FAM91A1: variants seen among roughly 807,000 people sequenced by gnomAD.
The protein encoded by FAM91A1 is protein FAM91A1.
In FAM91A1, 41 loss-of-function variants were observed where a neutral mutation model predicts 113.5. The observed-to-expected ratio is 0.36, with a 90% CI of 0.28 to 0.47. The LOEUF (loss-of-function observed/expected upper bound fraction) is 0.47. FAM91A1 is among the 20% of genes least tolerant of loss of function. The pLI, the probability that FAM91A1 is intolerant of heterozygous loss-of-function variation, is 1.00. For missense variants in FAM91A1, 696 were observed against 1,001.2 expected, an observed-to-expected ratio of 0.70 and a Z score of 4.11; for synonymous variants, 307 against 347.9, an observed-to-expected ratio of 0.88 and a Z score of 1.31.
At chr8:123,777,916 A>G in intron 4 of FAM91A1, 109 bp from the exon 5 acceptor site, 2 of 809,002 alleles carry the variant, frequency 2.5e-6, no homozygotes, top group Non-Finnish European at 2.0e-6. Context: ...ATATTTGACT[A>G]GTAATTGAAA....
chr8:123,769,824 G>C (rs1265172167), intron 1 of FAM91A1, among the ~76,000 whole-genome samples: 2 of 152,222 alleles, frequency 1.3e-5, no homozygotes, highest in Non-Finnish European at 2.9e-5. Context: ...GTCATAGATT[G>C]ACCTTCGCTT....
At chr8:123,812,342 A>G (rs1289220975) in intron 23 of FAM91A1, among the ~76,000 whole-genome samples, 177 bp from the exon 24 acceptor site, 1 of 152,168 alleles carries the variant, frequency 6.6e-6, no homozygotes, top group Non-Finnish European at 1.5e-5. Flanking sequence ...ATTTTTGCAC[A>G]TATTAATACC....
At chr8:123,803,275 G>C (rs2130143131) in intron 18 of FAM91A1, among the ~76,000 whole-genome samples, 1 of 151,288 alleles carries the variant, frequency 6.6e-6, no homozygotes, top group South Asian at 2.1e-4. Context: ...TGCAAAATAT[G>C]GATAGAAAAA....
At chr8:123,790,436 C>T (rs1182080197) in intron 15 of FAM91A1, among the ~76,000 whole-genome samples, 1 of 152,180 alleles carries the variant, frequency 6.6e-6, no homozygotes, top group African/African-American at 2.4e-5. Flanking sequence ...CAGTGCTCAG[C>T]TAGGCTTGGG....
chr8:123,780,578 A>G (rs1351028508), intron 8 of FAM91A1, 36 bp downstream of exon 8: 2 of 1,556,646 alleles, frequency 1.3e-6, no homozygotes, highest in Non-Finnish European at 1.8e-6. Context: ...TGTTTTTTGA[A>G]TGGATATCAG....
chr8:123,787,371 C>T lies in FAM91A1; in HGVS notation c.1189C>T (p.Pro397Ser), dbSNP rs906553868. The change falls in exon 13 of 24, where the codon CCA (proline) becomes TCA (serine). Residue 397 changes from proline (P) to serine (S), a missense_variant and splice_region_variant. By Grantham distance (74) the Pro-to-Ser change is moderately conservative (BLOSUM62 -1). Coordinates refer to ENST00000334705, the MANE Select transcript of FAM91A1 (RefSeq NM_144963.4). ...TAFLMMGNLS[P>S]NLKSHAVTMF... ...CTTCTTAATGATGGGAAATCTTTCA[C>T]CAGTAAGCCCAATTCTTGTTTAAAT... The T allele has an allele frequency of 1.9e-6, 3 of 1,604,738 alleles. No homozygotes were observed. Among genetic ancestry groups the T allele is most frequent in the African/African-American group, 2.7e-5 (2 of 74,634 alleles).
intron 23 of FAM91A1, 110 bp from the exon 24 acceptor site, chr8:123,812,409 G>A (rs751845820): frequency 1.8e-4 from 130 of 713,650 alleles, no homozygotes; most frequent in South Asian, 1.0e-3. Flanking sequence ...GTACTGCTTT[G>A]CAATCCATAA....
chr8:123,808,966 C>T lies in FAM91A1; in HGVS notation c.2211C>T (p.Asn737=). 1 of 1,613,088 alleles carries T rather than the reference C, an allele frequency of 6.2e-7. No individual in the cohort carries two copies. Among genetic ancestry groups the T allele is most frequent in the Non-Finnish European group, 8.5e-7 (1 of 1,179,406 alleles). The change falls in exon 22 of 24, where the codon AAC becomes AAT. Residue 737 remains asparagine (N), a synonymous_variant. Transcript: ENST00000334705. The part of the protein sequence containing the change: ...FGIPLFSSEL[N]RKVCRKIAAH... ...TTCCACTGTTCAGTTCCGAATTAAA[C>T]CGGAAAGTTTGTAGGAAAATTGCTG...
chr8:123,795,338 G>A (rs1342046829), intron 15 of FAM91A1, among the ~76,000 whole-genome samples: 1 of 152,148 alleles, frequency 6.6e-6, no homozygotes, highest in Admixed American at 6.5e-5. Context: ...GAGGGAGGTT[G>A]TTGGATCATG....
chr8:123,775,334 G>A (rs745813257), intron 3 of FAM91A1, 36 bp downstream of exon 3: 3 of 1,604,888 alleles, frequency 1.9e-6, no homozygotes, highest in Non-Finnish European at 2.6e-6. Context: ...GTGGGAATGG[G>A]ATGGGACTAC....
intron 15 of FAM91A1, among the ~76,000 whole-genome samples, chr8:123,793,939 G>A (rs1815445275): frequency 6.6e-6 from 1 of 152,186 alleles, no homozygotes. Flanking sequence ...TTAAGAATAA[G>A]AATGCTTAAA....
intron 12 of FAM91A1, 44 bp downstream of exon 12, chr8:123,786,654 G>A (rs374428831): frequency 7.2e-6 from 10 of 1,395,336 alleles, no homozygotes; most frequent in South Asian, 2.3e-5. Flanking sequence ...CTGTAGGTAC[G>A]GCACATGTCC....
Position 123,777,252 on chromosome 8 carries a change from T to G in FAM91A1, c.310-13T>G. 1.3e-6 allele frequency: 2 copies of G among 1,570,346 alleles called. No homozygotes were observed. ...TTTTAGATTTCAAATTTAAATTTTT[T>G]TCTTTTTAAAAGGATATTATGAACA... On this transcript the variant is annotated splice_polypyrimidine_tract_variant and intron_variant, in intron 3 of 23. Transcript: ENST00000334705.
At chr8:123,810,202 G>T in intron 22 of FAM91A1, 80 bp from the exon 23 acceptor site, 1 of 1,375,224 alleles carries the variant, frequency 7.3e-7, no homozygotes, top group Non-Finnish European at 1.0e-6. Context: ...CATTTAAATT[G>T]CTAAAATTAA....
chr8:123,775,962 C>G (rs1357946861), intron 3 of FAM91A1, among the ~76,000 whole-genome samples: 1 of 150,280 alleles, frequency 6.7e-6, no homozygotes, highest in Non-Finnish European at 1.5e-5. Context: ...GAGACTGTCT[C>G]AAAAGAAAAA....
chr8:123,784,381 G>A (rs1586376498), intron 8 of FAM91A1, 89 bp from the exon 9 acceptor site: 1 of 925,208 alleles, frequency 1.1e-6, no homozygotes, highest in East Asian at 3.0e-5. Context: ...CTAAGTTAGA[G>A]GTTTCTTTTT....
chr8:123,798,260 C>G (rs1815588847), intron 16 of FAM91A1, 22 bp downstream of exon 16: 8 of 1,611,594 alleles, frequency 5.0e-6, no homozygotes, highest in Non-Finnish European at 6.8e-6. Flanking sequence ...CTTGGAAGAT[C>G]CACTTGGTAG....
chr8:123,778,886 A>C (rs1339429682), intron 6 of FAM91A1, 114 bp downstream of exon 6: 2 of 713,200 alleles, frequency 2.8e-6, no homozygotes, highest in African/African-American at 3.7e-5. Context: ...AAGAAAAGGA[A>C]ACTTAAATTT....
At chr8:123,795,826 T>C (rs1383173264) in intron 15 of FAM91A1, among the ~76,000 whole-genome samples, 1 of 152,198 alleles carries the variant, frequency 6.6e-6, no homozygotes, top group African/African-American at 2.4e-5. Flanking sequence ...GCAGGCTTAC[T>C]ACTGTTTTGT....
Sources: gnomAD v4.1 joint callset for allele counts (sites outside exome capture counted in the v4.1 genomes callset) on GRCh38, gnomAD v4.1.1 for gene constraint, MANE v1.5 for transcripts, NCBI Gene and HGNC (gene_info 2026-07-23, HGNC 2026-07-21) for gene names.